NRXN1: variants seen among roughly 807,000 people sequenced by gnomAD.
NRXN1 encodes the protein neurexin-1.
In NRXN1, 39 loss-of-function variants were observed where a neutral mutation model predicts 150.9. The ratio of observed to expected loss-of-function variants is 0.26; its 90% confidence interval spans 0.20 to 0.34. NRXN1 has a LOEUF of 0.34. Ranked by LOEUF, NRXN1 falls within the 10% of genes least tolerant of loss-of-function variation. The probability of loss-of-function intolerance (pLI) is 1.00; values close to 1 mark genes in which losing one functional copy is unlikely to be tolerated. For synonymous variants in NRXN1, 924 were observed against 757.0 expected, an observed-to-expected ratio of 1.22 and a Z score of -3.62; for missense variants, 1,815 against 1,949.9, an observed-to-expected ratio of 0.93 and a Z score of 1.30.
At chr2:50,018,466 T>C (rs974326254) in intron 21 of NRXN1, among the ~76,000 whole-genome samples, 1 of 152,110 alleles carries the variant, frequency 6.6e-6, no homozygotes, top group Admixed American at 6.5e-5. Context: ...CAGTAATGGA[T>C]CCATTCCAAC....
chr2:50,781,690 C>A (rs560406010), intron 5 of NRXN1, among the ~76,000 whole-genome samples: 2 of 152,296 alleles, frequency 1.3e-5, no homozygotes, highest in African/African-American at 4.8e-5. Context: ...AAGCAATTCT[C>A]TACAGAATCT....
intron 21 of NRXN1, among the ~76,000 whole-genome samples, chr2:50,035,761 T>G (rs1689936942): frequency 6.6e-6 from 1 of 152,078 alleles, no homozygotes; most frequent in South Asian, 2.1e-4. Flanking sequence ...TATGCACATA[T>G]ATATCATGAA....
chr2:50,802,258 G>C (rs928092668), intron 5 of NRXN1, among the ~76,000 whole-genome samples: 1 of 152,058 alleles, frequency 6.6e-6, no homozygotes, highest in Admixed American at 6.5e-5. Context: ...TTGGGAGGCC[G>C]AGGCAGGGGG....
In NRXN1 at chr2:50,635,744, C is replaced by T. The variant is rs570999729; in HGVS notation, c.833-12129G>A. Reference sequence around the variant, plus strand: ...CTTAAAGACTCTGTGCTGACCTATCCGTCACTGCTTAGGTAGATAAGGGAG... The same window carrying T: ...CTTAAAGACTCTGTGCTGACCTATCTGTCACTGCTTAGGTAGATAAGGGAG... On this transcript the variant is annotated intron_variant, in intron 5 of 22. Transcript: ENST00000401669. 2.6e-5 allele frequency among the ~76,000 whole-genome samples: 4 copies of T among 152,244 alleles called. No homozygotes were observed. The South Asian group carries it at 6.2e-4, about 24-fold the overall frequency.
intron 21 of NRXN1, among the ~76,000 whole-genome samples, chr2:49,992,458 T>C (rs1483699011): frequency 1.3e-5 from 2 of 151,274 alleles, no homozygotes; most frequent in African/African-American, 2.4e-5. Context: ...TGTATGCCTA[T>C]AGTCCCAGCT....
At chr2:50,634,097 A>C (rs1682840572) in intron 5 of NRXN1, among the ~76,000 whole-genome samples, 2 of 152,214 alleles carry the variant, frequency 1.3e-5, no homozygotes. Context: ...GGATGGGGCT[A>C]TGTCATGTAA....
chr2:50,810,511 T>C (rs1174692230), intron 5 of NRXN1, among the ~76,000 whole-genome samples: 2 of 152,136 alleles, frequency 1.3e-5, no homozygotes, highest in Non-Finnish European at 2.9e-5. Context: ...CAGAAATTCA[T>C]CTTAAATCCA....
chr2:50,795,431 G>C (rs1440952734), intron 5 of NRXN1, among the ~76,000 whole-genome samples: 1 of 152,022 alleles, frequency 6.6e-6, no homozygotes, highest in Non-Finnish European at 1.5e-5. Flanking sequence ...GTGCTCATCA[G>C]TTAAACTAAA....
chr2:50,451,373 A>G (rs1317510839), intron 17 of NRXN1, among the ~76,000 whole-genome samples: 2 of 152,190 alleles, frequency 1.3e-5, no homozygotes, highest in Non-Finnish European at 2.9e-5. Context: ...TCTACTTCAC[A>G]AAACCATCAT....
At chr2:50,237,010 C>A (rs776822358) in intron 17 of NRXN1, 40 bp from the exon 18 acceptor site, 2 of 1,586,024 alleles carry the variant, frequency 1.3e-6, no homozygotes, top group East Asian at 2.2e-5. Flanking sequence ...CCAAATACAT[C>A]AAGTCTGCAC....
intron 5 of NRXN1, among the ~76,000 whole-genome samples, chr2:50,773,156 C>T (rs1277719783): frequency 2.6e-5 from 4 of 152,102 alleles, no homozygotes; most frequent in African/African-American, 7.2e-5. Context: ...TTGGACTCTA[C>T]AATATTTCAA....
chr2:50,655,607 C>G (rs1375347290), intron 5 of NRXN1, among the ~76,000 whole-genome samples: 2 of 151,354 alleles, frequency 1.3e-5, no homozygotes, highest in African/African-American at 4.9e-5. Context: ...TTGGTAGGAA[C>G]AAACTACTTA....
chr2:50,896,772 G>A (rs747509187), intron 5 of NRXN1, among the ~76,000 whole-genome samples: 7 of 152,178 alleles, frequency 4.6e-5, no homozygotes, highest in East Asian at 1.9e-4. Flanking sequence ...GCTTGAGCCC[G>A]GGAGGTGGAG....
intron 5 of NRXN1, among the ~76,000 whole-genome samples, chr2:50,776,751 T>C (rs940688086): frequency 1.3e-5 from 2 of 151,966 alleles, no homozygotes; most frequent in African/African-American, 2.4e-5. Context: ...AAGTCTCATT[T>C]TTATGGAGCT....
intron 5 of NRXN1, among the ~76,000 whole-genome samples, chr2:50,638,123 T>C (rs1683499944): frequency 6.6e-6 from 1 of 152,108 alleles, no homozygotes; most frequent in Non-Finnish European, 1.5e-5. Flanking sequence ...GAAGTTGGGA[T>C]GAAAAACTGG....
chr2:50,210,140 C>G lies in NRXN1; in HGVS notation c.3546+26649G>C, dbSNP rs948904275. On this transcript the variant is annotated intron_variant, in intron 18 of 22. Transcript: ENST00000401669. ...AAGCCCAGGCAATGAGACCCAATCA[C>G]AAATTCGTGCATAAACTTTTGCCTA... Among the ~76,000 whole-genome samples, 30 of 151,918 alleles carry G rather than the reference C, an allele frequency of 2.0e-4. 1 individual carries two copies. The highest frequency in any genetic ancestry group is 2.8e-4 in the Non-Finnish European group (19 of 67,892).
chr2:50,629,164 C>T (rs1379962574), intron 5 of NRXN1, among the ~76,000 whole-genome samples: 2 of 151,608 alleles, frequency 1.3e-5, no homozygotes, highest in Admixed American at 6.6e-5. Flanking sequence ...GAATAGCATA[C>T]TAGAATGTTT....
intron 22 of NRXN1, among the ~76,000 whole-genome samples, chr2:49,941,976 C>G (rs574058722): frequency 5.8e-4 from 89 of 152,222 alleles, no homozygotes; most frequent in African/African-American, 2.1e-3. Flanking sequence ...GACAGAAAAG[C>G]AATAGCAATG....
At chr2:50,478,408 A>C (rs1420901768) in intron 15 of NRXN1, among the ~76,000 whole-genome samples, 2 of 152,226 alleles carry the variant, frequency 1.3e-5, no homozygotes, top group Non-Finnish European at 2.9e-5. Flanking sequence ...AAGGCTTGTA[A>C]AATATTCAAA....
Sources: allele counts gnomAD v4.1 joint callset (sites outside exome capture counted in the v4.1 genomes callset), GRCh38; gene constraint gnomAD v4.1.1; transcripts MANE v1.5; gene names NCBI Gene and HGNC (gene_info 2026-07-23, HGNC 2026-07-21).